Variants in IGDCC3 observed in about 807,000 individuals in gnomAD.
IGDCC3 encodes the protein immunoglobulin superfamily DCC subclass member 3.
In IGDCC3, 47 loss-of-function variants were observed where a neutral mutation model predicts 72.0. The observed-to-expected ratio is 0.65, with a 90% CI of 0.52 to 0.83. The LOEUF is 0.83. IGDCC3 is among the 40% of genes least tolerant of loss of function. IGDCC3 has a pLI of 0.00. For synonymous variants in IGDCC3, 477 were observed against 472.8 expected (o/e 1.01, Z -0.11); for missense variants, 1,038 against 1,091.3 (o/e 0.95, Z 0.69).
intron 2 of IGDCC3, among the ~76,000 whole-genome samples, chr15:65,347,985 A>C (rs2091140139): frequency 6.6e-6 from 1 of 152,058 alleles, no homozygotes; most frequent in Non-Finnish European, 1.5e-5. Flanking sequence ...AACAAACAAA[A>C]AACAGGTTGC....
intron 2 of IGDCC3, among the ~76,000 whole-genome samples, chr15:65,349,480 A>G (rs1410744230): frequency 7.9e-5 from 12 of 152,244 alleles, no homozygotes; most frequent in Admixed American, 7.9e-4. Context: ...TTAATGCGAA[A>G]AAGAATTCTA....
rs34065363 is a variant in IGDCC3, at chr15:65,328,317, T to TTTTTTTTTTTTA, written c.*591_*592insTAAAAAAAAAAA. ...GTGCTTTTTTTTTTTTTTTTTTTTT[T>TTTTTTTTTTTTA]ACTCTGGACAACAGTGTGGGAAGGG... is the stretch of plus-strand genomic sequence containing the variant. On this transcript the variant is annotated 3_prime_UTR_variant, in exon 14 of 14. Coordinates refer to ENST00000327987, the MANE Select transcript of IGDCC3 (RefSeq NM_004884.4). 1 of 128,998 alleles carries TTTTTTTTTTTTA rather than the reference T, an allele frequency of 7.8e-6. No homozygotes were observed. Among genetic ancestry groups the TTTTTTTTTTTTA allele is most frequent in the Non-Finnish European group, 1.7e-5 (1 of 60,586 alleles). 8.0% of individuals were successfully genotyped at this position (128,998 alleles called of 1,614,324 possible).
chr15:65,369,393 T>C (rs779552234), intron 2 of IGDCC3, among the ~76,000 whole-genome samples: 1 of 152,228 alleles, frequency 6.6e-6, no homozygotes, highest in Non-Finnish European at 1.5e-5. Context: ...AGGGCTTTTC[T>C]ACCACACAAC....
chr15:65,336,938 A>G (rs943510109), intron 2 of IGDCC3, among the ~76,000 whole-genome samples: 8 of 152,140 alleles, frequency 5.3e-5, no homozygotes, highest in Non-Finnish European at 8.8e-5. Context: ...GCGGTACACC[A>G]TCTGTCCAGG....
Position 65,377,638 on chromosome 15 carries a change from TC to T in IGDCC3, c.103+47del. 2.2e-6 allele frequency: 3 copies of T among 1,381,438 alleles called. No homozygotes were observed. Among genetic ancestry groups the T allele is most frequent in the Non-Finnish European group, 2.8e-6 (3 of 1,070,256 alleles). 85.6% of individuals were successfully genotyped at this position (1,381,438 alleles called of 1,614,324 possible). Reference sequence around the variant, plus strand: ...CGCCCGCTCCCTCCCTGCTCGCCCTTCCCCTGGCTCCGTCCGCAACCGCCCG... The same window carrying T: ...CGCCCGCTCCCTCCCTGCTCGCCCTTCCCTGGCTCCGTCCGCAACCGCCCG... On this transcript the variant is annotated intron_variant, in intron 1 of 13. Transcript: ENST00000327987. This position sits in a 1 kb window ranked among gnomAD's most constrained non-coding sequence, Gnocchi z 4.9.
At chr15:65,358,920 G>A (rs1326675207) in intron 2 of IGDCC3, among the ~76,000 whole-genome samples, 2 of 152,162 alleles carry the variant, frequency 1.3e-5, no homozygotes, top group African/African-American at 4.8e-5. Context: ...CCACCTCCCT[G>A]GTTCAAACAA....
chr15:65,375,860 T>A (rs957983506), intron 1 of IGDCC3, among the ~76,000 whole-genome samples: 1 of 152,344 alleles, frequency 6.6e-6, no homozygotes, highest in Non-Finnish European at 1.5e-5. Flanking sequence ...TTCCCATTTC[T>A]CATCTGTTTA....
intron 2 of IGDCC3, among the ~76,000 whole-genome samples, chr15:65,367,585 C>T (rs886534947): frequency 3.3e-5 from 5 of 151,960 alleles, no homozygotes; most frequent in Non-Finnish European, 5.9e-5. Flanking sequence ...CCTGGAGGGG[C>T]TACGGCCACA....
intron 2 of IGDCC3, among the ~76,000 whole-genome samples, chr15:65,359,688 C>A (rs2091248574): frequency 6.6e-6 from 1 of 152,068 alleles, no homozygotes; most frequent in African/African-American, 2.4e-5. Context: ...ATGCGGGTGC[C>A]CTTTCATACC....
At chr15:65,358,921 G>T (rs1259127735) in intron 2 of IGDCC3, among the ~76,000 whole-genome samples, 1 of 152,182 alleles carries the variant, frequency 6.6e-6, no homozygotes, top group Non-Finnish European at 1.5e-5. Flanking sequence ...CACCTCCCTG[G>T]TTCAAACAAT....
intron 2 of IGDCC3, among the ~76,000 whole-genome samples, chr15:65,359,668 G>A (rs1419395713): frequency 6.6e-6 from 1 of 152,210 alleles, no homozygotes; most frequent in Non-Finnish European, 1.5e-5. Flanking sequence ...GAAGAGAATA[G>A]AATAGGGATA....
chr15:65,341,180 G>A (rs1175169178), intron 2 of IGDCC3, among the ~76,000 whole-genome samples: 8 of 152,294 alleles, frequency 5.3e-5, no homozygotes, highest in African/African-American at 9.6e-5. Flanking sequence ...AGGGAAATGC[G>A]AATCAAAACT....
rs1466524954 is a variant in IGDCC3, at chr15:65,328,115, C to T, written c.*794G>A. ...GCCACAAGAGTTCCCCTTGGTGGCCCAACCTCTGGCCTCTCCTCTGCAGGA... is the reference window on the plus strand; with the variant it reads ...GCCACAAGAGTTCCCCTTGGTGGCCTAACCTCTGGCCTCTCCTCTGCAGGA... On this transcript the variant is annotated 3_prime_UTR_variant, in exon 14 of 14. Coordinates refer to ENST00000327987, the MANE Select transcript of IGDCC3 (RefSeq NM_004884.4). 1 of 152,604 alleles carries T rather than the reference C, an allele frequency of 6.6e-6. No homozygotes were observed. The highest frequency in any genetic ancestry group is 1.5e-5 in the Non-Finnish European group (1 of 68,040). The allele number at this position is 152,604 out of a possible 1,614,324, so 9.5% of individuals were successfully genotyped here.
chr15:65,358,113 T>C (rs2140162256), intron 2 of IGDCC3, among the ~76,000 whole-genome samples: 3 of 151,880 alleles, frequency 2.0e-5, no homozygotes, highest in Admixed American at 2.0e-4. Flanking sequence ...TATTTTTTTT[T>C]TTTTTTTTCT....
chr15:65,369,486 C>A (rs933097265), intron 2 of IGDCC3, among the ~76,000 whole-genome samples: 2 of 152,134 alleles, frequency 1.3e-5, no homozygotes, highest in African/African-American at 4.8e-5. Flanking sequence ...TTTGCACCTA[C>A]CTATGAGCTG....
intron 5 of IGDCC3, 76 bp downstream of exon 5, chr15:65,334,652 G>T (rs2091009759): frequency 7.9e-7 from 1 of 1,272,242 alleles, no homozygotes; most frequent in Non-Finnish European, 1.1e-6. Flanking sequence ...CTGGAGCTGG[G>T]TGAGGAGTCT....
At chr15:65,374,649 A>C (rs2091346947) in intron 2 of IGDCC3, among the ~76,000 whole-genome samples, 1 of 152,170 alleles carries the variant, frequency 6.6e-6, no homozygotes, top group Non-Finnish European at 1.5e-5. Context: ...ATCCTACCCA[A>C]AGGTTTACAT....
In IGDCC3 at chr15:65,377,483, C is replaced by T. The variant is rs2091365932; in HGVS notation, c.103+203G>A. 6.6e-6 allele frequency among the ~76,000 whole-genome samples: 1 copy of T among 152,188 alleles called. No individual in the cohort carries two copies. The highest frequency in any genetic ancestry group is 1.5e-5 in the Non-Finnish European group (1 of 68,032). On this transcript the variant is annotated intron_variant, in intron 1 of 13. Coordinates refer to ENST00000327987, the MANE Select transcript of IGDCC3 (RefSeq NM_004884.4). This position sits in a 1 kb window ranked among gnomAD's most constrained non-coding sequence, Gnocchi z 4.9. ...GCCCCAGTCTTCCTCCGGGGGGTTC[C>T]GTCCTCAACACGCCCCTAGGGCCCC...
intron 2 of IGDCC3, among the ~76,000 whole-genome samples, chr15:65,355,212 C>A (rs1008993781): frequency 2.6e-5 from 4 of 152,108 alleles, no homozygotes; most frequent in Non-Finnish European, 5.9e-5. Context: ...ATTCAGCTGG[C>A]GGGCGGGGTC....
Sources: allele counts gnomAD v4.1 joint callset (sites outside exome capture counted in the v4.1 genomes callset), GRCh38; gene constraint gnomAD v4.1.1; non-coding constraint Gnocchi (gnomAD v3.1); transcripts MANE v1.5; gene names NCBI Gene and HGNC (gene_info 2026-07-23, HGNC 2026-07-21).